KIF23: variants seen among roughly 807,000 people sequenced by gnomAD.
KIF23 encodes kinesin-like protein KIF23.
Under a neutral mutation model 137.5 loss-of-function variants are expected in KIF23, and 30 were observed. The observed-to-expected ratio is 0.22, with a 90% CI of 0.16 to 0.30. KIF23 has a LOEUF of 0.30. KIF23 is among the 10% of genes least tolerant of loss of function. KIF23 has a pLI of 1.00. For missense variants in KIF23, 920 were observed against 1,194.3 expected (o/e 0.77, Z 3.38); for synonymous variants, 367 against 391.1 (o/e 0.94, Z 0.73).
At chr15:69,426,951 A>G (rs1304885300) in intron 10 of KIF23, among the ~76,000 whole-genome samples, 1 of 152,166 alleles carries the variant, frequency 6.6e-6, no homozygotes, top group Non-Finnish European at 1.5e-5. Context: ...TTTACATTGT[A>G]TTAGATATTA....
intron 3 of KIF23, 29 bp from the exon 4 acceptor site, chr15:69,421,618 A>G: frequency 2.2e-6 from 3 of 1,353,584 alleles, no homozygotes; most frequent in Non-Finnish European, 3.2e-6. Context: ...GTGGAATTCT[A>G]TTTAGTGCAT....
intron 10 of KIF23, among the ~76,000 whole-genome samples, chr15:69,428,241 G>T (rs1341959080): frequency 6.6e-6 from 1 of 151,558 alleles, no homozygotes; most frequent in Non-Finnish European, 1.5e-5. Flanking sequence ...GCGACAGAGT[G>T]AGACTCTGTC....
At chr15:69,435,806 G>A (rs1258149964) in intron 13 of KIF23, 35 bp downstream of exon 13, 2 of 1,597,746 alleles carry the variant, frequency 1.3e-6, no homozygotes, top group African/African-American at 2.7e-5. Flanking sequence ...AAAGTCTTGA[G>A]TTTTTGTCGG....
At chr15:69,435,388 A>T in intron 11 of KIF23, 95 bp from the exon 12 acceptor site, 1 of 890,964 alleles carries the variant, frequency 1.1e-6, no homozygotes, top group Non-Finnish European at 1.7e-6. Context: ...TCTATCTAGT[A>T]GTTGTTTGAA....
intron 23 of KIF23, 129 bp from the exon 24 acceptor site, chr15:69,447,663 C>T: frequency 1.3e-6 from 1 of 766,502 alleles, no homozygotes; most frequent in Non-Finnish European, 2.1e-6. Flanking sequence ...AAGTTGTTTG[C>T]TTTCTCAGAG....
In KIF23 at chr15:69,419,136, GAAAC is replaced by G. The variant is rs913762257; in HGVS notation, c.210+1637_210+1640del. 1.4e-3 allele frequency among the ~76,000 whole-genome samples: 220 copies of G among 151,802 alleles called. 1 individual carries two copies. The highest frequency in any genetic ancestry group is 4.4e-3 in the African/African-American group (183 of 41,252). The stretch of plus-strand genomic sequence containing the variant: ...CCATCTCAAAAAACAAACAAACAAA[GAAAC>G]AAACAAACAAAAAACAACTTTCTAA... On this transcript the variant is annotated intron_variant, in intron 3 of 23. Coordinates refer to ENST00000679126, the MANE Select transcript of KIF23 (RefSeq NM_001367805.3).
chr15:69,433,829 G>T (rs1454711317), intron 11 of KIF23, among the ~76,000 whole-genome samples: 1 of 151,920 alleles, frequency 6.6e-6, no homozygotes, highest in Admixed American at 6.6e-5. Flanking sequence ...ACTCAGAATC[G>T]ATGGGTCAGG....
chr15:69,416,519 C>T (rs1343217907), intron 2 of KIF23, among the ~76,000 whole-genome samples: 3 of 152,132 alleles, frequency 2.0e-5, no homozygotes, highest in African/African-American at 7.2e-5. Flanking sequence ...AAATGGCAAA[C>T]AAAAAGGGTT....
At chr15:69,430,389 A>G (rs565965536) in intron 11 of KIF23, among the ~76,000 whole-genome samples, 127 of 152,292 alleles carry the variant, frequency 8.3e-4, no homozygotes, top group Non-Finnish European at 1.6e-3. Flanking sequence ...AGTACCTACT[A>G]TGTGCCAGGA....
Position 69,426,156 on chromosome 15 carries a change from A to G in KIF23, c.863A>G (p.Glu288Gly). Residue 288 changes from glutamate (E) to glycine (G), a missense_variant, in exon 9 of 24, where the codon GAG becomes GGG. Coordinates refer to ENST00000679126, the MANE Select transcript of KIF23 (RefSeq NM_001367805.3). ...ACAGAAGTTGAAGTGAAATCTACTGAGGAGGCTTTTGAAGTTTTCTGGAGA... is the reference window on the plus strand; with the variant it reads ...ACAGAAGTTGAAGTGAAATCTACTGGGGAGGCTTTTGAAGTTTTCTGGAGA... The part of the protein sequence containing the change: ...GCTEVEVKST[E>G]EAFEVFWRGQ... 1 of 1,608,866 alleles carries G rather than the reference A, an allele frequency of 6.2e-7. No individual in the cohort carries two copies. Among genetic ancestry groups the G allele is most frequent in the East Asian group, 2.2e-5 (1 of 44,840 alleles).
intron 3 of KIF23, among the ~76,000 whole-genome samples, chr15:69,418,748 G>A (rs1595978326): frequency 1.3e-5 from 2 of 152,156 alleles, no homozygotes; most frequent in Admixed American, 6.5e-5. Flanking sequence ...GGAACTGCCC[G>A]TGTGAGTTAG....
rs747072239 is a variant in KIF23, at chr15:69,446,889, A to G, written c.2857A>G (p.Met953Val). 3.7e-6 allele frequency: 6 copies of G among 1,614,042 alleles called. No homozygotes were observed. In the South Asian group the frequency reaches 5.5e-5, roughly 15 times the overall value. The change falls in exon 23 of 24, where the codon ATG (methionine) becomes GTG (valine). Residue 953 changes from methionine to valine, a missense_variant. By Grantham distance (21) the Met-to-Val change is conservative. Coordinates refer to ENST00000679126, the MANE Select transcript of KIF23 (RefSeq NM_001367805.3). ...CTCTCAGTGTTCTGTGGCTGTGGAG[A>G]TGAGAGCAGGATCCCAGCTGGGACC... Reference protein sequence around the residue: ...VETRCSVAVEMRAGSQLGPGY... With the variant: ...VETRCSVAVEVRAGSQLGPGY...
At chr15:69,438,525 C>A in intron 16 of KIF23, 120 bp downstream of exon 16, 1 of 853,654 alleles carries the variant, frequency 1.2e-6, no homozygotes, top group Non-Finnish European at 1.7e-6. Flanking sequence ...CGGTTGAGTG[C>A]GGTGGCTCAT....
intron 11 of KIF23, among the ~76,000 whole-genome samples, chr15:69,430,455 T>C (rs1220014625): frequency 1.3e-5 from 2 of 152,288 alleles, no homozygotes; most frequent in South Asian, 2.1e-4. Context: ...CCCATCCTAA[T>C]AGAGGAGATC....
At chr15:69,442,070 C>T (rs956775437) in intron 19 of KIF23, among the ~76,000 whole-genome samples, 1 of 152,050 alleles carries the variant, frequency 6.6e-6, no homozygotes, top group South Asian at 2.1e-4. Flanking sequence ...GCTTTTTTTT[C>T]AATCCATGAT....
At chr15:69,417,909 A>G (rs1452726405) in intron 3 of KIF23, among the ~76,000 whole-genome samples, 1 of 152,204 alleles carries the variant, frequency 6.6e-6, no homozygotes, top group Non-Finnish European at 1.5e-5. Flanking sequence ...TATTTTTAGT[A>G]AAGTTTTGAG....
chr15:69,440,720 C>A, intron 18 of KIF23, 48 bp from the exon 19 acceptor site: 1 of 1,448,056 alleles, frequency 6.9e-7, no homozygotes, highest in Non-Finnish European at 9.3e-7. Flanking sequence ...TGAATTGTTT[C>A]TCTCAGTTTT....
intron 11 of KIF23, among the ~76,000 whole-genome samples, 192 bp downstream of exon 11, chr15:69,429,405 A>G (rs1191861526): frequency 1.3e-5 from 2 of 152,150 alleles, no homozygotes; most frequent in Admixed American, 6.5e-5. Context: ...CCTGGGCTCA[A>G]TTGATTCTCC....
intron 7 of KIF23, 92 bp from the exon 8 acceptor site, chr15:69,425,190 A>T (rs2057158442): frequency 4.4e-6 from 4 of 914,214 alleles, no homozygotes; most frequent in Non-Finnish European, 6.7e-6. Flanking sequence ...TTAAGATATG[A>T]CTCATTGTGA....
Sources: gnomAD v4.1 joint callset for allele counts (sites outside exome capture counted in the v4.1 genomes callset) on GRCh38, gnomAD v4.1.1 for gene constraint, MANE v1.5 for transcripts, NCBI Gene and HGNC (gene_info 2026-07-23, HGNC 2026-07-21) for gene names.